Variants in PPP1R3F observed in about 807,000 individuals in gnomAD.
PPP1R3F encodes protein phosphatase 1 regulatory subunit 3F.
A neutral mutation model predicts 24.2 loss-of-function variants in PPP1R3F; 29 were observed. The observed-to-expected ratio is 1.20, with a 90% CI of 0.89 to 1.63. The LOEUF (loss-of-function observed/expected upper bound fraction) is 1.63, where lower values mean the gene tolerates loss of function less well. Ranked by LOEUF, PPP1R3F falls within the 40% of genes most tolerant of loss-of-function variation. The pLI is 0.00. For synonymous variants in PPP1R3F, 363 were observed against 340.1 expected (o/e 1.07, Z -0.74); for missense variants, 823 against 729.3 (o/e 1.13, Z -1.48).
intron 3 of PPP1R3F, among the ~76,000 whole-genome samples, chrX:49,296,185 C>G (rs2066322297): frequency 8.9e-6 from 1 of 111,849 alleles, no homozygotes; most frequent in African/African-American, 3.3e-5. Flanking sequence ...ATTACTGCCT[C>G]AATTTCAGAA....
At position 49,286,394 on chromosome X, in the gene PPP1R3F, G is replaced by A. The variant is rs782542394; in HGVS notation, c.1704G>A (p.Lys568=). The A allele has an allele frequency of 3.4e-6, 4 of 1,191,222 alleles. No individual in the cohort carries two copies. In the South Asian group the frequency reaches 7.4e-5, roughly 22 times the overall value. The change falls in exon 4 of 4, where the codon AAG becomes AAA. Residue 568 remains lysine, a synonymous_variant. Coordinates refer to ENST00000055335, the MANE Select transcript of PPP1R3F (RefSeq NM_033215.5). ...TGGGGCGTGGCGTGGAGCTCATCAA[G>A]GACACCGAAGACCCTGATGATGAAG... ...ARLGRGVELI[K]DTEDPDDEGE... is the part of the protein sequence containing the mutation.
rs1557118664 is a variant in PPP1R3F at position 49,270,148 on chromosome X, G to A, written c.279G>A (p.Glu93=). The change falls in exon 1 of 4, where the codon GAG becomes GAA. Residue 93 remains glutamate (E), a synonymous_variant. Coordinates refer to ENST00000055335, the MANE Select transcript of PPP1R3F (RefSeq NM_033215.5). ...DDGEDGDEGE[E]EEEACPEPSP... ...GCGAGGATGGGGATGAAGGGGAGGA[G>A]GAAGAGGAGGCTTGCCCCGAGCCCT... 1.9e-6 allele frequency: 2 copies of A among 1,077,761 alleles called. No homozygotes were observed. Among genetic ancestry groups the A allele is most frequent in the Non-Finnish European group, 2.4e-6 (2 of 835,416 alleles). The allele number at this position is 1,077,761 out of a possible 1,213,427, so 88.8% of individuals were successfully genotyped here.
In PPP1R3F at chrX:49,286,006, C is replaced by T. The variant is rs201349831; in HGVS notation, c.1316C>T (p.Ala439Val). 1.4e-4 allele frequency: 161 copies of T among 1,182,071 alleles called. No individual in the cohort carries two copies. Among genetic ancestry groups the T allele is most frequent in the Non-Finnish European group, 1.6e-4 (141 of 878,677 alleles). Residue 439 changes from alanine (A) to valine (V), a missense_variant, in exon 4 of 4, where the codon GCG becomes GTG. Coordinates refer to ENST00000055335, the MANE Select transcript of PPP1R3F (RefSeq NM_033215.5). ...AGAGACCAGGCCTCAGGGCCCGATGCGAGCGAGGGGGCCACCGGGCCTTTC... is the reference window on the plus strand; with the variant it reads ...AGAGACCAGGCCTCAGGGCCCGATGTGAGCGAGGGGGCCACCGGGCCTTTC... ...SPRDQASGPD[A>V]SEGATGPFLE...
chrX:49,291,336 C>CTCTCTCTCT (rs2066308526), downstream of PPP1R3F, among the ~76,000 whole-genome samples: 1 of 86,259 alleles, frequency 1.2e-5, no homozygotes, highest in African/African-American at 3.9e-5. Context: ...CTGTCTCTCT[C>CTCTCTCTCT]CTTTCTTTCT....
chrX:49,276,143 G>C (rs2066211587), intron 1 of PPP1R3F, among the ~76,000 whole-genome samples: 2 of 112,614 alleles, frequency 1.8e-5, no homozygotes, highest in African/African-American at 6.5e-5. Flanking sequence ...AGCCTGTGTG[G>C]TCCTGCTCTA....
chrX:49,269,988 C>T lies in PPP1R3F; in HGVS notation c.119C>T (p.Ala40Val). ...AAVAPRRVLF[A>V]DEALGLPLAQ... ...GTGGCCCCGCGGAGGGTGCTGTTCG[C>T]CGACGAGGCCTTGGGGCTGCCGCTG... The change falls in exon 1 of 4, where the codon GCC becomes GTC. Residue 40 changes from alanine (A) to valine (V), a missense_variant. Transcript: ENST00000055335. 2.2e-6 allele frequency: 2 copies of T among 915,426 alleles called. No homozygotes were observed. Among genetic ancestry groups the T allele is most frequent in the Non-Finnish European group, 2.7e-6 (2 of 741,931 alleles). 75.4% of individuals were successfully genotyped at this position (915,426 alleles called of 1,213,427 possible).
chrX:49,292,869 G>T (rs2066312984), downstream of PPP1R3F, among the ~76,000 whole-genome samples: 1 of 112,025 alleles, frequency 8.9e-6, no homozygotes, highest in African/African-American at 3.2e-5. Context: ...GGGGATGCTC[G>T]TGAATGGAGG....
At chrX:49,298,626 C>T (rs2147981021) in intron 3 of PPP1R3F, among the ~76,000 whole-genome samples, 1 of 111,721 alleles carries the variant, frequency 9.0e-6, no homozygotes, top group South Asian at 3.7e-4. Flanking sequence ...TGGTTCCATT[C>T]TCCCCGTCAC....
At chrX:49,284,509 C>CTTTTTTT (rs145170789) in intron 3 of PPP1R3F, among the ~76,000 whole-genome samples, 12 of 50,855 alleles carry the variant, frequency 2.4e-4, no homozygotes, top group African/African-American at 2.9e-4. Flanking sequence ...CTTTTTCTTT[C>CTTTTTTT]TTTTTTTTTT....
chrX:49,293,893 C>T (rs1557122574), intron 3 of PPP1R3F, among the ~76,000 whole-genome samples: 1 of 110,659 alleles, frequency 9.0e-6, no homozygotes, highest in Non-Finnish European at 1.9e-5. Flanking sequence ...TACTCAGAGG[C>T]GGAGGAGGGA....
chrX:49,285,010 T>A (rs1246926575), intron 3 of PPP1R3F, among the ~76,000 whole-genome samples: 1 of 111,655 alleles, frequency 9.0e-6, no homozygotes. Context: ...ACATCCTGGC[T>A]ATGTTTTGGG....
chrX:49,293,956 T>A (rs782073554), intron 3 of PPP1R3F, among the ~76,000 whole-genome samples: 1 of 111,844 alleles, frequency 8.9e-6, no homozygotes, highest in African/African-American at 3.2e-5. Flanking sequence ...ATCGGGCCAC[T>A]GCACTCCAGC....
chrX:49,275,900 C>T (rs1195461447), intron 1 of PPP1R3F: 3 of 112,393 alleles, frequency 2.7e-5, no homozygotes, highest in African/African-American at 9.7e-5. Context: ...TCTTTCAGTG[C>T]ACCTATAACT....
intron 1 of PPP1R3F, among the ~76,000 whole-genome samples, chrX:49,271,129 C>T (rs2066177457): frequency 8.9e-6 from 1 of 111,988 alleles, no homozygotes; most frequent in Non-Finnish European, 1.9e-5. Flanking sequence ...AGGATTCATA[C>T]AGGCTCCTAT....
intron 3 of PPP1R3F, among the ~76,000 whole-genome samples, chrX:49,293,974 A>G (rs1266860672): frequency 8.9e-6 from 1 of 111,994 alleles, no homozygotes; most frequent in Non-Finnish European, 1.9e-5. Context: ...AGCCTGGGTG[A>G]AGGTATGAGA....
intron 3 of PPP1R3F, among the ~76,000 whole-genome samples, chrX:49,297,488 A>G (rs2066326297): frequency 9.0e-6 from 1 of 110,754 alleles, no homozygotes; most frequent in Non-Finnish European, 1.9e-5. Flanking sequence ...TGCGGGGATT[A>G]CAGGCGTGAG....
chrX:49,273,118 G>A (rs1015302311), intron 1 of PPP1R3F: 1 of 104,443 alleles, frequency 9.6e-6, no homozygotes, highest in Non-Finnish European at 1.9e-5. Context: ...TTGTACATAT[G>A]TATGCACTTG....
chrX:49,300,693 GTC>G (rs1429765788), intron 3 of PPP1R3F, among the ~76,000 whole-genome samples: 7 of 110,172 alleles, frequency 6.4e-5, no homozygotes. Context: ...TAGAGATGAG[GTC>G]TCACTATGTT....
chrX:49,294,795 A>T (rs2066318465), intron 3 of PPP1R3F, among the ~76,000 whole-genome samples: 1 of 108,371 alleles, frequency 9.2e-6, no homozygotes, highest in African/African-American at 3.4e-5. Context: ...CTGTAGTCCC[A>T]GCTACTCGGG....
Sources: gnomAD v4.1 joint callset for allele counts (sites outside exome capture counted in the v4.1 genomes callset) on GRCh38, gnomAD v4.1.1 for gene constraint, MANE v1.5 for transcripts, NCBI Gene and HGNC (gene_info 2026-07-23, HGNC 2026-07-21) for gene names.